Variants in RAB37 observed in about 807,000 individuals in gnomAD.
RAB37 encodes ras-related protein Rab-37.
Under a neutral mutation model 33.1 loss-of-function variants are expected in RAB37, and 29 were observed. That is an observed-to-expected ratio of 0.88 (90% CI 0.65 to 1.20). RAB37 has a LOEUF of 1.20. Among genes scored for constraint, RAB37 ranks in the 50% most tolerant of loss-of-function variants. RAB37 has a pLI of 0.00. For missense variants in RAB37, 299 were observed against 301.1 expected (o/e 0.99, Z 0.05); for synonymous variants, 128 against 119.5 (o/e 1.07, Z -0.47).
upstream of RAB37, among the ~76,000 whole-genome samples, chr17:74,732,532 G>A (rs1014082523): frequency 1.3e-4 from 18 of 134,510 alleles, 1 homozygote; most frequent in African/African-American, 4.8e-4. Context: ...TTTGAGGTGC[G>A]TGGTGAGGTG....
intron 2 of RAB37, among the ~76,000 whole-genome samples, chr17:74,741,981 C>T (rs937689432): frequency 6.6e-6 from 1 of 152,214 alleles, no homozygotes; most frequent in African/African-American, 2.4e-5. Flanking sequence ...CAGCCCTGGG[C>T]TGCCTGATCC....
chr17:74,705,230 A>T (rs1230095808), intron 1 of RAB37: 1 of 702,292 alleles, frequency 1.4e-6, no homozygotes, highest in East Asian at 2.7e-5. Context: ...GATGACCCTC[A>T]TGAGGTCGAG....
chr17:74,727,652 A>G (rs1053421100), intron 1 of RAB37, among the ~76,000 whole-genome samples: 1 of 152,258 alleles, frequency 6.6e-6, no homozygotes, highest in Non-Finnish European at 1.5e-5. Flanking sequence ...AGTGGGGACC[A>G]TCGGTCATGG....
Position 74,729,219 on chromosome 17 carries a change from A to G in RAB37, c.73-37A>G, listed in dbSNP as rs767275220. On this transcript the variant is annotated intron_variant, in intron 1 of 7. Transcript: ENST00000340415. This position sits in a 1 kb window ranked among gnomAD's most constrained non-coding sequence, Gnocchi z 4.2. ...GACACCTCTGAGGCCAACTCACATC[A>G]CAGGCCCTCAGCTCTCTCTCTATTG... 2 of 1,516,496 alleles carry G rather than the reference A, an allele frequency of 1.3e-6. No homozygotes were observed. Among genetic ancestry groups the G allele is most frequent in the South Asian group, 2.2e-5 (2 of 89,202 alleles). 93.9% of individuals were successfully genotyped at this position (1,516,496 alleles called of 1,614,324 possible).
chr17:74,734,717 C>T (rs1407818363), upstream of RAB37, among the ~76,000 whole-genome samples: 2 of 152,006 alleles, frequency 1.3e-5, no homozygotes, highest in Admixed American at 1.3e-4. Flanking sequence ...ATGATGGGCA[C>T]CTGTTATCCC....
intron 1 of RAB37, among the ~76,000 whole-genome samples, chr17:74,683,426 T>G (rs1346822472): frequency 1.3e-5 from 2 of 152,188 alleles, no homozygotes. Flanking sequence ...TTTCCATTGC[T>G]GTGTAGGGCG....
intron 1 of RAB37, among the ~76,000 whole-genome samples, chr17:74,680,700 G>C (rs918232434): frequency 6.6e-6 from 1 of 151,946 alleles, no homozygotes; most frequent in Non-Finnish European, 1.5e-5. Context: ...ATTCTCTCCA[G>C]GTCTGTATTT....
At chr17:74,691,935 A>T (rs559192323) in intron 1 of RAB37, among the ~76,000 whole-genome samples, 2 of 147,132 alleles carry the variant, frequency 1.4e-5, no homozygotes, top group East Asian at 4.0e-4. Flanking sequence ...GCGCGATCTC[A>T]GCTCACTGCA....
At chr17:74,689,712 G>A (rs148238510) in intron 1 of RAB37, among the ~76,000 whole-genome samples, 64 of 152,260 alleles carry the variant, frequency 4.2e-4, no homozygotes, top group African/African-American at 1.4e-3. Flanking sequence ...GAAATCAACC[G>A]ATTCCAGCAG....
At chr17:74,710,730 A>G (rs1283410367) in intron 1 of RAB37, among the ~76,000 whole-genome samples, 2 of 151,680 alleles carry the variant, frequency 1.3e-5, no homozygotes, top group South Asian at 2.1e-4. Flanking sequence ...ATAGCCAGGC[A>G]TGCTGGCACA....
chr17:74,696,683 T>C (rs1567783040), intron 1 of RAB37, among the ~76,000 whole-genome samples: 1 of 152,182 alleles, frequency 6.6e-6, no homozygotes, highest in East Asian at 1.9e-4. Context: ...TCTATGTCTG[T>C]CTCATCATCT....
intron 1 of RAB37, chr17:74,695,368 C>T: frequency 8.1e-7 from 1 of 1,235,490 alleles, no homozygotes; most frequent in East Asian, 2.4e-5. Context: ...TAATCCCACT[C>T]AAGCCCTCCA....
At position 74,729,393 on chromosome 17, in the gene RAB37, C is replaced by G; in HGVS notation, c.183+27C>G. On this transcript the variant is annotated intron_variant, in intron 2 of 7. Coordinates refer to the RAB37 transcript ENST00000340415. This position sits in a 1 kb window ranked among gnomAD's most constrained non-coding sequence, Gnocchi z 4.2. ...TAAGCACTGGCCGGCACTGCCAGCT[C>G]TGGGCCTGGGCTCAGGACCCCAGCG... is the stretch of plus-strand genomic sequence containing the variant. The G allele has an allele frequency of 6.5e-7, 1 of 1,534,218 alleles. No individual in the cohort carries two copies. The highest frequency in any genetic ancestry group is 9.0e-7 in the Non-Finnish European group (1 of 1,107,056).
chr17:74,741,521 G>A (rs541892594), intron 2 of RAB37, among the ~76,000 whole-genome samples: 27 of 151,624 alleles, frequency 1.8e-4, no homozygotes, highest in African/African-American at 6.6e-4. Flanking sequence ...GGGTGGTGGA[G>A]GTTGCAGTGA....
intron 1 of RAB37, chr17:74,703,145 T>C (rs2033216180): frequency 2.5e-6 from 4 of 1,611,734 alleles, no homozygotes; most frequent in African/African-American, 2.7e-5. Flanking sequence ...GAGTCGACGC[T>C]GTAGTTGATG....
upstream of RAB37, chr17:74,737,068 GCCCCTTCACGCAGACCC>G: frequency 6.2e-7 from 1 of 1,608,006 alleles, no homozygotes; most frequent in Non-Finnish European, 8.5e-7. Flanking sequence ...GAGGCTGCCC[GCCCCTTCACGCAGACCC>G]TGCGGCTCTG....
chr17:74,740,977 C>T (rs1187554584), intron 2 of RAB37, 99 bp downstream of exon 2: 1 of 867,562 alleles, frequency 1.2e-6, no homozygotes, highest in African/African-American at 1.7e-5. Context: ...CTCCCAGGGA[C>T]TCCCGAGGCT....
chr17:74,724,205 G>A (rs1289405413), intron 1 of RAB37, among the ~76,000 whole-genome samples: 2 of 152,200 alleles, frequency 1.3e-5, no homozygotes, highest in Non-Finnish European at 2.9e-5. Flanking sequence ...GGAGACATGA[G>A]ACATCAATCA....
Position 74,700,099 on chromosome 17 carries a change from G to A in RAB37, c.72+28441G>A, listed in dbSNP as rs2032898959. On this transcript the variant is annotated intron_variant, in intron 1 of 7. Transcript: ENST00000340415. ...GGAGGTTGCAGTGAGCTGAGATCGCGCCACTGCACTCCAGCCTGGTCGACA... is the reference window on the plus strand; with the variant it reads ...GGAGGTTGCAGTGAGCTGAGATCGCACCACTGCACTCCAGCCTGGTCGACA... Among the ~76,000 whole-genome samples the A allele has an allele frequency of 3.3e-5, 5 of 151,726 alleles. No homozygotes were observed. The South Asian group carries it at 6.2e-4, about 19-fold the overall frequency.
Sources: allele counts gnomAD v4.1 joint callset (sites outside exome capture counted in the v4.1 genomes callset), GRCh38; gene constraint gnomAD v4.1.1; non-coding constraint Gnocchi (gnomAD v3.1); transcripts MANE v1.5; gene names NCBI Gene and HGNC (gene_info 2026-07-23, HGNC 2026-07-21).